TBC1D2: variants seen among roughly 807,000 people sequenced by gnomAD.
The protein encoded by TBC1D2 is TBC1 domain family member 2A.
Under a neutral mutation model 91.1 loss-of-function variants are expected in TBC1D2, and 58 were observed. The ratio of observed to expected loss-of-function variants is 0.64; its 90% confidence interval spans 0.52 to 0.79. The LOEUF is 0.79. Ranked by LOEUF, TBC1D2 falls within the 30% of genes least tolerant of loss-of-function variation. The pLI, the probability that TBC1D2 is intolerant of heterozygous loss-of-function variation, is 0.00. For missense variants in TBC1D2, 1,080 were observed against 1,208.3 expected (o/e 0.89, Z 1.57); for synonymous variants, 482 against 511.5 (o/e 0.94, Z 0.78).
intron 2 of TBC1D2, among the ~76,000 whole-genome samples, chr9:98,244,712 A>AGAGTC (rs915529114): frequency 6.7e-6 from 1 of 149,850 alleles, no homozygotes; most frequent in Non-Finnish European, 1.5e-5. Context: ...TCTACATCTG[A>AGAGTC]GAGTCCATCC....
chr9:98,246,112 T>A (rs1829758474), intron 2 of TBC1D2, among the ~76,000 whole-genome samples: 1 of 152,160 alleles, frequency 6.6e-6, no homozygotes, highest in Non-Finnish European at 1.5e-5. Flanking sequence ...TATTTAGAAA[T>A]TAACTTTGAG....
In TBC1D2 at chr9:98,251,453, T is replaced by C. The variant is rs554425266; in HGVS notation, c.511+332A>G. Reference sequence around the variant, plus strand: ...GCTCACAAGTATTGGGTTCTGACCATGTGCAGGCATTGTTCTAACCATTTT... The same window carrying C: ...GCTCACAAGTATTGGGTTCTGACCACGTGCAGGCATTGTTCTAACCATTTT... On this transcript the variant is annotated intron_variant, in intron 2 of 12. Coordinates refer to ENST00000465784, the MANE Select transcript of TBC1D2 (RefSeq NM_001267571.2). Among the ~76,000 whole-genome samples the C allele has an allele frequency of 6.6e-5, 10 of 152,348 alleles. No individual in the cohort carries two copies. In the South Asian group the frequency reaches 1.4e-3, roughly 22 times the overall value.
intron 5 of TBC1D2, among the ~76,000 whole-genome samples, chr9:98,223,344 T>C (rs564589016): frequency 7.9e-5 from 12 of 152,294 alleles, no homozygotes; most frequent in African/African-American, 2.6e-4. Flanking sequence ...AGAGCTACCA[T>C]GGAGCTGTGG....
intron 5 of TBC1D2, among the ~76,000 whole-genome samples, chr9:98,221,504 G>A (rs1479700460): frequency 6.6e-6 from 1 of 152,174 alleles, no homozygotes; most frequent in Non-Finnish European, 1.5e-5. Flanking sequence ...AAAGTGAGAT[G>A]GGCAGCTTCT....
At position 98,243,979 on chromosome 9, in the gene TBC1D2, T is replaced by C. The variant is rs780191023; in HGVS notation, c.647+15A>G. The C allele has an allele frequency of 3.1e-5, 49 of 1,593,822 alleles. No homozygotes were observed. Among genetic ancestry groups the C allele is most frequent in the Non-Finnish European group, 4.1e-5 (48 of 1,170,362 alleles). ...CCTGCAGCTTGGCTAGCCCCTCAGC[T>C]CCACTGGCACTTACTGTATTTCAGT... On this transcript the variant is annotated intron_variant, in intron 3 of 12. Transcript: ENST00000465784.
chr9:98,200,117 C>T, intron 12 of TBC1D2, 136 bp downstream of exon 12: 1 of 1,321,268 alleles, frequency 7.6e-7, no homozygotes, highest in South Asian at 1.4e-5. Context: ...TCAGACTTCC[C>T]CAAAGATTTC....
In TBC1D2 at chr9:98,251,793, A is replaced by C; in HGVS notation, c.503T>G (p.Leu168Arg). ...GGTAGCCCATTGGGTACCTAGCTCG[A>C]GGTGCAGGACGGGCCCATTCCCAGC... ...ALAGNGPVLH[L>R]ELGQEEAELE... Residue 168 changes from leucine (L) to arginine (R), a missense_variant, in exon 2 of 13, where the codon CTC becomes CGC. Coordinates refer to ENST00000465784, the MANE Select transcript of TBC1D2 (RefSeq NM_001267571.2). 6.3e-7 allele frequency: 1 copy of C among 1,583,762 alleles called. No individual in the cohort carries two copies. The highest frequency in any genetic ancestry group is 1.7e-4 in the Middle Eastern group (1 of 5,946).
In TBC1D2 at chr9:98,229,084, C is replaced by T; in HGVS notation, c.846G>A (p.Gln282=). The T allele has an allele frequency of 6.2e-7, 1 of 1,614,224 alleles. No individual in the cohort carries two copies. The highest frequency in any genetic ancestry group is 8.5e-7 in the Non-Finnish European group (1 of 1,180,040). Residue 282 remains glutamine, a synonymous_variant, in exon 5 of 13, where the codon CAG becomes CAA. Coordinates refer to ENST00000465784, the MANE Select transcript of TBC1D2 (RefSeq NM_001267571.2). ...AGGTGTTGTTCTGGCGCTTGGCTTT[C>T]TGAGCGAAACTGATGGTCAGAGAAG... ...PKPSLTISFA[Q]KAKRQNNTFP...
rs1278159635 is a variant in TBC1D2, at chr9:98,255,447, T to C, written c.95A>G (p.Glu32Gly). ...ARDPQVPPPE[E>G]ESGDCARSLE... ...GGACCGGGCGCAGTCCCCCGATTCT[T>C]CCTCCGGAGGCGGCACCTGTGGATC... The change falls in exon 1 of 13, where the codon GAA (glutamate) becomes GGA (glycine). Residue 32 changes from glutamate (E) to glycine (G), a missense_variant. Glu to Gly is a moderately conservative substitution (Grantham distance 98). Coordinates refer to ENST00000465784, the MANE Select transcript of TBC1D2 (RefSeq NM_001267571.2). The C allele has an allele frequency of 6.2e-7, 1 of 1,603,258 alleles. No individual in the cohort carries two copies. Among genetic ancestry groups the C allele is most frequent in the Non-Finnish European group, 8.5e-7 (1 of 1,173,028 alleles).
rs983956973 is a variant in TBC1D2 at position 98,228,503 on chromosome 9, A to G, written c.978+449T>C. Among the ~76,000 whole-genome samples the G allele has an allele frequency of 6.6e-6, 1 of 152,232 alleles. No homozygotes were observed. The highest frequency in any genetic ancestry group is 6.5e-5 in the Admixed American group (1 of 15,282). On this transcript the variant is annotated intron_variant, in intron 5 of 12. Coordinates refer to ENST00000465784, the MANE Select transcript of TBC1D2 (RefSeq NM_001267571.2). The surrounding 1 kb of genome is among the most constrained non-coding windows in gnomAD (Gnocchi z 4.0). The stretch of plus-strand genomic sequence containing the variant: ...CCTGGCTTAGCCCTGGGCCACACAC[A>G]TGCTGCTTGTTTGCTTTCTCCTGTG...
chr9:98,232,597 C>T (rs906531420), intron 4 of TBC1D2, among the ~76,000 whole-genome samples: 1 of 152,054 alleles, frequency 6.6e-6, no homozygotes, highest in Admixed American at 6.5e-5. Flanking sequence ...GGATTACAAG[C>T]GTGAGCCACC....
chr9:98,223,110 T>C (rs376644629), intron 5 of TBC1D2, among the ~76,000 whole-genome samples: 6 of 152,286 alleles, frequency 3.9e-5, no homozygotes, highest in African/African-American at 1.4e-4. Context: ...CCCACCACAG[T>C]GGAATGATCT....
chr9:98,240,166 G>GGGGTGT (rs370015304), intron 3 of TBC1D2, among the ~76,000 whole-genome samples: 3 of 137,856 alleles, frequency 2.2e-5, no homozygotes, highest in African/African-American at 7.5e-5. Context: ...GTGTTTGTGT[G>GGGGTGT]GTGTGTGTGT....
In TBC1D2 at chr9:98,255,229, C is replaced by T. The variant is rs1829947914; in HGVS notation, c.313G>A (p.Asp105Asn). The change falls in exon 1 of 13, where the codon GAC becomes AAC. Residue 105 changes from aspartate to asparagine, a missense_variant. Asp to Asn is a conservative substitution (Grantham distance 23). Transcript: ENST00000465784. ...ATTTCGAAGATCCCCTCCTCAGCGT[C>T]CGCCTTACAGTCAAACACTGCACTG... is the stretch of plus-strand genomic sequence containing the variant. The part of the protein sequence containing the change: ...LSSAVFDCKA[D>N]AEEGIFEIKT... 2 of 1,613,584 alleles carry T rather than the reference C, an allele frequency of 1.2e-6. No individual in the cohort carries two copies. The highest frequency in any genetic ancestry group is 1.7e-6 in the Non-Finnish European group (2 of 1,179,612).
chr9:98,202,234 T>C (rs1828526868), intron 10 of TBC1D2, among the ~76,000 whole-genome samples: 1 of 152,246 alleles, frequency 6.6e-6, no homozygotes, highest in South Asian at 2.1e-4. Flanking sequence ...CTGGCGACAC[T>C]GGCCAGTGAC....
chr9:98,205,812 T>A (rs1191046218), intron 9 of TBC1D2, among the ~76,000 whole-genome samples: 1 of 152,100 alleles, frequency 6.6e-6, no homozygotes, highest in Admixed American at 6.5e-5. Flanking sequence ...TCCACCCACC[T>A]CGGCCCCTCA....
intron 4 of TBC1D2, 99 bp from the exon 5 acceptor site, chr9:98,229,247 G>A (rs760865866): frequency 4.8e-5 from 54 of 1,119,672 alleles, no homozygotes; most frequent in East Asian, 1.5e-4. Flanking sequence ...GTTAAAATGC[G>A]GATGGTTGGG....
chr9:98,205,106 C>G (rs954117800), intron 9 of TBC1D2, among the ~76,000 whole-genome samples: 9 of 152,192 alleles, frequency 5.9e-5, no homozygotes, highest in African/African-American at 1.9e-4. Flanking sequence ...CAGAAGTTAC[C>G]TGCTCAACAT....
intron 8 of TBC1D2, among the ~76,000 whole-genome samples, chr9:98,209,680 A>G (rs1051775804): frequency 1.3e-5 from 2 of 151,326 alleles, no homozygotes; most frequent in African/African-American, 2.4e-5. Flanking sequence ...AATCCTAATG[A>G]TCCTGCAAAG....
Sources: gnomAD v4.1 joint callset for allele counts (sites outside exome capture counted in the v4.1 genomes callset) on GRCh38, gnomAD v4.1.1 for gene constraint, Gnocchi (gnomAD v3.1) non-coding constraint, MANE v1.5 for transcripts, NCBI Gene and HGNC (gene_info 2026-07-23, HGNC 2026-07-21) for gene names.